Variants in FAM90A20 observed in about 807,000 individuals in gnomAD.
FAM90A20 encodes the protein protein FAM90A20.
chr8:7,297,855 T>C, the FAM90A20 span: 4 of 855,908 alleles, frequency 4.7e-6, no homozygotes, highest in East Asian at 5.1e-5. Context: ...TCCAGCCTCC[T>C]GGCGGCCCCC....
the FAM90A20 span, chr8:7,295,487 C>T: frequency 5.9e-6 from 3 of 509,288 alleles, no homozygotes; most frequent in South Asian, 2.0e-5. Flanking sequence ...CCGAACTCTC[C>T]CAGCACTTAA....
chr8:7,297,443 T>G, the FAM90A20 span: 10 of 1,553,202 alleles, frequency 6.4e-6, 1 homozygote, highest in East Asian at 8.9e-5. Flanking sequence ...GCCCTGCCCA[T>G]CAGCCGCCAC....
the FAM90A20 span, among the ~76,000 whole-genome samples, chr8:7,296,621 C>G: frequency 7.4e-6 from 1 of 135,196 alleles, no homozygotes; most frequent in Non-Finnish European, 1.5e-5. Context: ...GCAAGCCTGC[C>G]AACAACACGT....
chr8:7,296,712 A>C, the FAM90A20 span, among the ~76,000 whole-genome samples: 1 of 135,856 alleles, frequency 7.4e-6, no homozygotes, highest in Non-Finnish European at 1.5e-5. Flanking sequence ...ATGTGTTCAT[A>C]GAAGACGTCC....
the FAM90A20 span, chr8:7,297,205 C>G: frequency 1.3e-6 from 2 of 1,532,334 alleles, no homozygotes; most frequent in Non-Finnish European, 1.8e-6. Flanking sequence ...CCAGTCTGAG[C>G]TCCTCCTCAA....
the FAM90A20 span, chr8:7,296,144 G>T: frequency 4.6e-4 from 271 of 587,556 alleles, 34 homozygotes; most frequent in Admixed American, 1.8e-3. Context: ...AGGTTGGCAC[G>T]TGAGGGAAGG....
chr8:7,295,966 C>T, the FAM90A20 span: 3 of 525,396 alleles, frequency 5.7e-6, no homozygotes, highest in East Asian at 6.3e-5. Flanking sequence ...GCCGGAGCTC[C>T]GTGTCCTCCG....
chr8:7,297,669 A>G, the FAM90A20 span: 5 of 1,392,110 alleles, frequency 3.6e-6, no homozygotes, highest in Admixed American at 3.4e-5. Context: ...AGGTCGCCCC[A>G]GATGGGCAGG....
chr8:7,297,155 A>T, the FAM90A20 span: 6 of 1,530,374 alleles, frequency 3.9e-6, no homozygotes, highest in Non-Finnish European at 5.3e-6. Flanking sequence ...AATGTCTGGC[A>T]GGGGCTCCGT....
At chr8:7,297,655 A>G in the FAM90A20 span, 1 of 1,392,962 alleles carries the variant, frequency 7.2e-7, no homozygotes, top group Non-Finnish European at 9.8e-7. Context: ...AACTTGGACC[A>G]AGTAGGTCGC....
the FAM90A20 span, chr8:7,297,301 C>G: frequency 4.3e-5 from 58 of 1,353,548 alleles, 8 homozygotes; most frequent in African/African-American, 2.1e-4. Context: ...AGACTCTCCT[C>G]GTGGTGGAGC....
the FAM90A20 span, chr8:7,297,710 C>T: frequency 1.8e-5 from 27 of 1,464,596 alleles, 5 homozygotes; most frequent in South Asian, 4.5e-5. Context: ...CAGCGTTGAA[C>T]GGCAGCCTCC....
the FAM90A20 span, among the ~76,000 whole-genome samples, chr8:7,296,674 G>A: frequency 2.2e-5 from 3 of 135,504 alleles, 1 homozygote; most frequent in Admixed American, 1.4e-4. Context: ...GGCCGCAAAC[G>A]TGGAGAAGGC....
At chr8:7,297,278 C>A in the FAM90A20 span, 5 of 1,369,628 alleles carry the variant, frequency 3.7e-6, no homozygotes, top group Non-Finnish European at 4.1e-6. Context: ...TGCAGTCAGG[C>A]ACCAGGTCCA....
At chr8:7,296,504 G>C in the FAM90A20 span, 4 of 645,570 alleles carry the variant, frequency 6.2e-6, 1 homozygote, top group South Asian at 4.6e-5. Flanking sequence ...CCTCTTTCTT[G>C]TCTTCTTGGG....
the FAM90A20 span, chr8:7,296,418 C>A: frequency 1.4e-6 from 1 of 735,364 alleles, no homozygotes; most frequent in East Asian, 2.6e-5. Context: ...CCCCGGGCCC[C>A]TGGTCCTTTT....
At chr8:7,296,489 G>A in the FAM90A20 span, 49 of 661,446 alleles carry the variant, frequency 7.4e-5, 7 homozygotes, top group East Asian at 1.3e-3. Flanking sequence ...GGAAATCGGG[G>A]AACCCCTCTT....
At chr8:7,296,230 T>C in the FAM90A20 span, 11 of 673,974 alleles carry the variant, frequency 1.6e-5, 2 homozygotes, top group African/African-American at 1.1e-4. Context: ...CCAGACGGGG[T>C]TCTCCCTGTC....
At chr8:7,297,055 C>T in the FAM90A20 span, 7 of 1,494,530 alleles carry the variant, frequency 4.7e-6, 2 homozygotes, top group East Asian at 2.3e-5. Flanking sequence ...TGTTTCCTCT[C>T]TTTCAGGTTG....
Sources: gnomAD v4.1 joint callset for allele counts (sites outside exome capture counted in the v4.1 genomes callset) on GRCh38, gnomAD v4.1.1 for gene constraint, MANE v1.5 for transcripts, NCBI Gene and HGNC (gene_info 2026-07-23, HGNC 2026-07-21) for gene names.